The following NEK10 variants were observed in gnomAD, a reference collection of about 807,000 sequenced individuals.
NEK10 encodes serine/threonine-protein kinase Nek10.
A neutral mutation model predicts 159.8 loss-of-function variants in NEK10; 122 were observed. The observed-to-expected ratio is 0.76, with a 90% CI of 0.66 to 0.89. The LOEUF (loss-of-function observed/expected upper bound fraction) is 0.89, where lower values mean the gene tolerates loss of function less well. Among genes scored for constraint, NEK10 ranks in the 40% least tolerant of loss-of-function variants. NEK10 has a pLI of 0.00. For missense variants in NEK10, 1,342 were observed against 1,323.1 expected (o/e 1.01, Z -0.22); for synonymous variants, 466 against 457.1 (o/e 1.02, Z -0.25).
chr3:27,228,988 G>A (rs1952933876), intron 23 of NEK10, among the ~76,000 whole-genome samples: 1 of 152,060 alleles, frequency 6.6e-6, no homozygotes, highest in African/African-American at 2.4e-5. Context: ...TTACATCTAC[G>A]CACCTGACCT....
chr3:27,327,344 GC>G (rs1461736936), intron 5 of NEK10, among the ~76,000 whole-genome samples: 3 of 152,198 alleles, frequency 2.0e-5, no homozygotes, highest in Non-Finnish European at 4.4e-5. Context: ...CCACACAGAA[GC>G]AAATTCATGA....
At chr3:27,279,750 C>T (rs2042016108) in intron 22 of NEK10, among the ~76,000 whole-genome samples, 1 of 152,124 alleles carries the variant, frequency 6.6e-6, no homozygotes, top group East Asian at 1.9e-4. Flanking sequence ...AGGCTAGGAT[C>T]CCATTCTGAG....
chr3:27,187,125 A>G (rs1400318286), intron 26 of NEK10, among the ~76,000 whole-genome samples: 3 of 152,216 alleles, frequency 2.0e-5, no homozygotes, highest in Non-Finnish European at 4.4e-5. Context: ...TACAGATGCC[A>G]TAAACATTTA....
At chr3:27,218,232 T>G (rs963479295) in intron 23 of NEK10, among the ~76,000 whole-genome samples, 39 of 152,196 alleles carry the variant, frequency 2.6e-4, no homozygotes, top group Admixed American at 2.2e-3. Flanking sequence ...ACTTACAAAT[T>G]GTTTATTTCT....
intron 12 of NEK10, among the ~76,000 whole-genome samples, chr3:27,302,171 C>A (rs2043879374): frequency 6.6e-6 from 1 of 152,190 alleles, no homozygotes; most frequent in Non-Finnish European, 1.5e-5. Flanking sequence ...CATGAACTTT[C>A]AATCTTCCTT....
chr3:27,276,810 G>C (rs1280508890), intron 22 of NEK10, among the ~76,000 whole-genome samples: 1 of 152,016 alleles, frequency 6.6e-6, no homozygotes, highest in Non-Finnish European at 1.5e-5. Flanking sequence ...TCTGTCATTG[G>C]AAAAACCCAC....
chr3:27,175,241 C>T (rs1680160081), intron 26 of NEK10, among the ~76,000 whole-genome samples: 1 of 152,096 alleles, frequency 6.6e-6, no homozygotes, highest in Admixed American at 6.5e-5. Context: ...TTCAAAACTC[C>T]AGGAAAATTA....
At chr3:27,316,920 A>G (rs538815034) in intron 6 of NEK10, among the ~76,000 whole-genome samples, 5 of 152,328 alleles carry the variant, frequency 3.3e-5, no homozygotes, top group East Asian at 1.9e-4. Context: ...GCTGAGCACT[A>G]TAAGTCTCTA....
chr3:27,121,027 A>G (rs1047861717), intron 32 of NEK10, among the ~76,000 whole-genome samples: 12 of 152,200 alleles, frequency 7.9e-5, no homozygotes, highest in Non-Finnish European at 1.8e-4. Context: ...TGCAATAGAC[A>G]CTACATTTTA....
At chr3:27,271,912 T>C (rs1289166725) in intron 22 of NEK10, among the ~76,000 whole-genome samples, 1 of 151,878 alleles carries the variant, frequency 6.6e-6, no homozygotes, top group Admixed American at 6.6e-5. Flanking sequence ...ATACAGAAAA[T>C]GTTAAATTCT....
At chr3:27,146,828 T>C (rs1241684454) in intron 30 of NEK10, among the ~76,000 whole-genome samples, 1 of 152,142 alleles carries the variant, frequency 6.6e-6, no homozygotes, top group Non-Finnish European at 1.5e-5. Flanking sequence ...TGAGTGTGGG[T>C]TCTTAGGAGA....
At chr3:27,226,466 C>T (rs1298526857) in intron 23 of NEK10, among the ~76,000 whole-genome samples, 1 of 152,180 alleles carries the variant, frequency 6.6e-6, no homozygotes, top group Non-Finnish European at 1.5e-5. Context: ...GTCCATAGTG[C>T]ACTAGCTATT....
At chr3:27,209,728 T>C (rs532937896) in intron 23 of NEK10, among the ~76,000 whole-genome samples, 50 of 152,308 alleles carry the variant, frequency 3.3e-4, no homozygotes, top group Non-Finnish European at 5.7e-4. Flanking sequence ...AACCCTCTTA[T>C]TAGGTCACCT....
chr3:27,339,229 C>A (rs2047028901), intron 5 of NEK10, among the ~76,000 whole-genome samples: 1 of 152,104 alleles, frequency 6.6e-6, no homozygotes, highest in Non-Finnish European at 1.5e-5. Flanking sequence ...GTTGCAACTA[C>A]TTTTCGTGTT....
intron 12 of NEK10, among the ~76,000 whole-genome samples, chr3:27,304,387 G>A (rs2044071584): frequency 6.6e-6 from 1 of 152,112 alleles, no homozygotes; most frequent in Non-Finnish European, 1.5e-5. Flanking sequence ...ATGACAAAAT[G>A]CATATACTAA....
At chr3:27,351,401 T>C (rs1167990153) in intron 3 of NEK10, among the ~76,000 whole-genome samples, 1 of 152,054 alleles carries the variant, frequency 6.6e-6, no homozygotes, top group Non-Finnish European at 1.5e-5. Flanking sequence ...AAAGATAGGG[T>C]GTCTGGGTTC....
chr3:27,143,528 C>A, intron 30 of NEK10: 1 of 731,356 alleles, frequency 1.4e-6, no homozygotes, highest in Non-Finnish European at 2.5e-6. Flanking sequence ...AATTAATCAA[C>A]TATGCAATTT....
At chr3:27,296,883 G>A (rs1253877204) in intron 14 of NEK10, among the ~76,000 whole-genome samples, 1 of 151,952 alleles carries the variant, frequency 6.6e-6, no homozygotes, top group Non-Finnish European at 1.5e-5. Context: ...TATACACCCA[G>A]AATTAATGCA....
chr3:27,317,952 G>A (rs941904078), intron 6 of NEK10, among the ~76,000 whole-genome samples: 14 of 152,160 alleles, frequency 9.2e-5, no homozygotes, highest in African/African-American at 2.4e-4. Context: ...ACAGGCGCCC[G>A]CCACCACGCC....
Sources: allele counts gnomAD v4.1 joint callset (sites outside exome capture counted in the v4.1 genomes callset), GRCh38; gene constraint gnomAD v4.1.1; transcripts MANE v1.5; gene names NCBI Gene and HGNC (gene_info 2026-07-23, HGNC 2026-07-21).